The following ABCA12 variants were observed in gnomAD, a reference collection of about 807,000 sequenced individuals.
The protein encoded by ABCA12 is glucosylceramide transporter ABCA12.
In ABCA12, 156 loss-of-function variants were observed where a neutral mutation model predicts 293.5. The observed-to-expected ratio is 0.53, with a 90% confidence interval of 0.47 to 0.61. The LOEUF is 0.61. Ranked by LOEUF, ABCA12 falls within the 20% of genes least tolerant of loss-of-function variation. ABCA12 has a pLI of 0.00. For missense variants in ABCA12, 2,797 were observed against 3,090.2 expected (o/e 0.91, Z 2.25); for synonymous variants, 1,063 against 1,108.0 (o/e 0.96, Z 0.81).
At chr2:214,973,890 A>T in intron 36 of ABCA12, 59 bp downstream of exon 36, 1 of 1,405,210 alleles carries the variant, frequency 7.1e-7, no homozygotes, top group East Asian at 2.3e-5. Context: ...AGATCTTTCG[A>T]GCTTTCGATA....
At chr2:214,972,468 G>A (rs1699407213) in intron 36 of ABCA12, among the ~76,000 whole-genome samples, 1 of 152,078 alleles carries the variant, frequency 6.6e-6, no homozygotes, top group Non-Finnish European at 1.5e-5. Context: ...GAGTGCTATG[G>A]TGCAATCACA....
chr2:214,965,722 C>A (rs1386134083), intron 39 of ABCA12, among the ~76,000 whole-genome samples: 2 of 152,014 alleles, frequency 1.3e-5, no homozygotes, highest in Admixed American at 6.6e-5. Context: ...AGTAAAAAGT[C>A]AAAAAGCAAT....
At chr2:215,092,879 C>G (rs1215804353) in intron 2 of ABCA12, among the ~76,000 whole-genome samples, 2 of 152,194 alleles carry the variant, frequency 1.3e-5, no homozygotes, top group Non-Finnish European at 1.5e-5. Context: ...ATCCCAGCCT[C>G]TCTTCGCTTT....
In ABCA12 at chr2:214,959,016, C is replaced by A. The variant is rs1699037063; in HGVS notation, c.5939+8G>T. ...GAGAAAGTAGTCATGCTAGAGATAT[C>A]TGCTTACGTGGCTTGTTCTTGGTCT... On this transcript the variant is annotated splice_region_variant and intron_variant, in intron 40 of 52. Transcript: ENST00000272895. The A allele has an allele frequency of 6.2e-7, 1 of 1,613,258 alleles. No homozygotes were observed. Among genetic ancestry groups the A allele is most frequent in the Non-Finnish European group, 8.5e-7 (1 of 1,179,396 alleles).
chr2:214,932,528 A>G lies in ABCA12; in HGVS notation c.*106T>C. On this transcript the variant is annotated 3_prime_UTR_variant, in exon 53 of 53. Transcript: ENST00000272895. Reference sequence around the variant, plus strand: ...ACAGTTGTAACTTTCCATACAGTATATTACTTTACTTTAAAATGAAGATAT... The same window carrying G: ...ACAGTTGTAACTTTCCATACAGTATGTTACTTTACTTTAAAATGAAGATAT... 1 of 877,760 alleles carries G rather than the reference A, an allele frequency of 1.1e-6. No individual in the cohort carries two copies. The highest frequency in any genetic ancestry group is 1.9e-6 in the Non-Finnish European group (1 of 536,712). The allele number at this position is 877,760 out of a possible 1,614,324, so 54.4% of individuals were successfully genotyped here.
rs1372362958 is a variant in ABCA12, at chr2:215,064,149, T to C, written c.234A>G (p.Thr78=). The change falls in exon 3 of 53, where the codon ACA becomes ACG. Residue 78 remains threonine (T), a synonymous_variant. Transcript: ENST00000272895. ...FPFLQTLLCD[T]DSKCKDTPYG... is the part of the protein sequence containing the mutation. ...AGGGTGTGTCTTTGCATTTAGAGTC[T>C]GTGTCACAGAGTAGGGTCTGCAGGA... 1 of 1,612,866 alleles carries C rather than the reference T, an allele frequency of 6.2e-7. No individual in the cohort carries two copies. Among genetic ancestry groups the C allele is most frequent in the Non-Finnish European group, 8.5e-7 (1 of 1,179,268 alleles).
intron 50 of ABCA12, among the ~76,000 whole-genome samples, chr2:214,941,839 C>A (rs538133912): frequency 2.0e-5 from 3 of 151,702 alleles, no homozygotes; most frequent in Admixed American, 1.3e-4. Flanking sequence ...TTATTTTGAG[C>A]CCATGTGTGT....
chr2:215,065,050 A>G (rs2106074695), intron 2 of ABCA12, among the ~76,000 whole-genome samples: 1 of 152,098 alleles, frequency 6.6e-6, no homozygotes, highest in South Asian at 2.1e-4. Flanking sequence ...AAGTCATACA[A>G]AACAGTAATT....
At chr2:214,956,635 T>C (rs767017795) in intron 42 of ABCA12, 28 bp downstream of exon 42, 77 of 1,508,982 alleles carry the variant, frequency 5.1e-5, no homozygotes, top group Non-Finnish European at 6.8e-5. Flanking sequence ...CTATTAATTC[T>C]TCTTTCATTG....
rs756040562 is a variant in ABCA12, at chr2:214,980,474, C to T, written c.4740+9G>A. 1 of 1,613,058 alleles carries T rather than the reference C, an allele frequency of 6.2e-7. No individual in the cohort carries two copies. The highest frequency in any genetic ancestry group is 8.5e-7 in the Non-Finnish European group (1 of 1,179,920). On this transcript the variant is annotated intron_variant, in intron 31 of 52. Transcript: ENST00000272895. ...TGCCATAATGAGATATATTTTCTCC[C>T]ATTCCTACCTTCTTCTTGGTAAGCG...
chr2:215,071,803 G>T (rs1399576421), intron 2 of ABCA12, among the ~76,000 whole-genome samples: 1 of 152,184 alleles, frequency 6.6e-6, no homozygotes, highest in Non-Finnish European at 1.5e-5. Context: ...GCTGGCTGTG[G>T]CTTCTCTGCT....
chr2:215,134,528 G>GCATATATGTACATATATGCA lies in ABCA12; in HGVS notation c.69+3611_69+3612insTGCATATATGTACATATATG, dbSNP rs1559214140. Among the ~76,000 whole-genome samples, 6 of 130,348 alleles carry GCATATATGTACATATATGCA rather than the reference G, an allele frequency of 4.6e-5. 1 individual carries two copies. Among genetic ancestry groups the GCATATATGTACATATATGCA allele is most frequent in the African/African-American group, 1.7e-4 (6 of 34,494 alleles). 85.5% of individuals were successfully genotyped at this position (130,348 alleles called of 152,430 possible). ...TGCGTATGTATATGTGTATATATACGTATATATGTACATATATACGTATAT... is the reference window on the plus strand; with the variant it reads ...TGCGTATGTATATGTGTATATATACGCATATATGTACATATATGCATATATATGTACATATATACGTATAT... On this transcript the variant is annotated intron_variant, in intron 1 of 52. Transcript: ENST00000272895.
At chr2:215,091,968 C>T (rs999988500) in intron 2 of ABCA12, among the ~76,000 whole-genome samples, 8 of 152,184 alleles carry the variant, frequency 5.3e-5, no homozygotes, top group African/African-American at 1.4e-4. Flanking sequence ...TCAGACTGTC[C>T]TACTCACCTG....
At chr2:214,942,331 T>C (rs1295142077) in intron 50 of ABCA12, among the ~76,000 whole-genome samples, 2 of 152,216 alleles carry the variant, frequency 1.3e-5, no homozygotes, top group Non-Finnish European at 2.9e-5. Flanking sequence ...AGTCAACTTG[T>C]TATACAGAAA....
At chr2:215,009,711 G>C (rs1700330796) in intron 18 of ABCA12, among the ~76,000 whole-genome samples, 1 of 151,924 alleles carries the variant, frequency 6.6e-6, no homozygotes, top group African/African-American at 2.4e-5. Flanking sequence ...GCCAAGTAAT[G>C]GTAAAACAGA....
At chr2:215,113,559 C>A (rs993503462) in intron 1 of ABCA12, among the ~76,000 whole-genome samples, 2 of 152,124 alleles carry the variant, frequency 1.3e-5, no homozygotes, top group African/African-American at 4.8e-5. Context: ...ATGGACTGCA[C>A]TTTGAGGAGA....
intron 20 of ABCA12, among the ~76,000 whole-genome samples, chr2:215,002,820 C>G (rs1261526594): frequency 6.6e-6 from 1 of 152,178 alleles, no homozygotes; most frequent in Non-Finnish European, 1.5e-5. Context: ...TATATAACCT[C>G]TTCAATACTA....
chr2:215,129,236 C>T (rs1205895185), intron 1 of ABCA12, among the ~76,000 whole-genome samples: 1 of 152,176 alleles, frequency 6.6e-6, no homozygotes, highest in African/African-American at 2.4e-5. Context: ...TCCCTTTCCA[C>T]TTCCACAGTT....
rs1471687214 is a variant in ABCA12 at position 214,990,993 on chromosome 2, G to T, written c.3333C>A (p.Phe1111Leu). The T allele has an allele frequency of 3.1e-6, 5 of 1,613,910 alleles. No homozygotes were observed. The highest frequency in any genetic ancestry group is 1.3e-5 in the African/African-American group (1 of 74,928). ...KMMGVNSCSH[F>L]FAWLIESVGF... is the part of the protein sequence containing the mutation. ...CAACACTCTCTATAAGCCAGGCAAAGAAATGGCTGCAGGAGTTCACACCCA... is the reference window on the plus strand; with the variant it reads ...CAACACTCTCTATAAGCCAGGCAAATAAATGGCTGCAGGAGTTCACACCCA... The change falls in exon 24 of 53, where the codon TTC (phenylalanine) becomes TTA (leucine). Residue 1111 changes from phenylalanine (F) to leucine (L), a missense_variant. Physicochemically the swap from Phe to Leu is conservative, Grantham distance 22. Around this residue, in one of 3 missense-constraint regions of ABCA12, gnomAD observed 2,130 missense variants for 2,427.0 expected, o/e 0.88. Transcript: ENST00000272895.
Sources: allele counts gnomAD v4.1 joint callset (sites outside exome capture counted in the v4.1 genomes callset), GRCh38; gene constraint gnomAD v4.1.1; regional missense constraint gnomAD v4.1.1; transcripts MANE v1.5; gene names NCBI Gene and HGNC (gene_info 2026-07-23, HGNC 2026-07-21).